Variants in CTIF observed in about 807,000 individuals in gnomAD.
CTIF encodes the protein CBP80/20-dependent translation initiation factor.
In CTIF, 21 loss-of-function variants were observed where a neutral mutation model predicts 66.0. That is an observed-to-expected ratio of 0.32 (90% CI 0.23 to 0.46). The LOEUF (loss-of-function observed/expected upper bound fraction) is 0.46. Ranked by LOEUF, CTIF falls within the 20% of genes least tolerant of loss-of-function variation. The pLI is 1.00. For missense variants in CTIF, 739 were observed against 812.7 expected (o/e 0.91, Z 1.10); for synonymous variants, 345 against 326.4 (o/e 1.06, Z -0.62).
chr18:48,610,374 A>AACCCACCTGGAT (rs761229600), intron 1 of CTIF, among the ~76,000 whole-genome samples: 1 of 141,258 alleles, frequency 7.1e-6, no homozygotes, highest in Admixed American at 7.1e-5. Flanking sequence ...CACGTCACAG[A>AACCCACCTGGAT]GCCCACCTGG....
intron 10 of CTIF, among the ~76,000 whole-genome samples, chr18:48,837,683 T>C (rs1445244783): frequency 1.3e-5 from 2 of 152,170 alleles, no homozygotes; most frequent in African/African-American, 4.8e-5. Flanking sequence ...GATCTTACTA[T>C]ACAGATTCCT....
At chr18:48,743,798 T>A (rs7232204) in intron 7 of CTIF, among the ~76,000 whole-genome samples, 4,755 of 152,292 alleles carry the variant, frequency 0.031, 239 homozygotes, top group African/African-American at 0.11. Flanking sequence ...TTTTTAACAC[T>A]TAAGAGTGTT....
chr18:48,722,327 C>A (rs146340356), intron 7 of CTIF, among the ~76,000 whole-genome samples: 5 of 151,824 alleles, frequency 3.3e-5, no homozygotes, highest in African/African-American at 1.2e-4. Flanking sequence ...GTGATCCTCC[C>A]ACCTCAGCCT....
At chr18:48,682,407 G>C (rs1367146841) in intron 6 of CTIF, among the ~76,000 whole-genome samples, 3 of 152,198 alleles carry the variant, frequency 2.0e-5, no homozygotes, top group Non-Finnish European at 4.4e-5. Flanking sequence ...GAACTGCAAA[G>C]TCTTGTGTTC....
chr18:48,843,559 G>T (rs914920486), intron 10 of CTIF, among the ~76,000 whole-genome samples: 22 of 152,254 alleles, frequency 1.4e-4, no homozygotes, highest in African/African-American at 5.1e-4. Context: ...TATAATGGGG[G>T]CCCTGAGGCA....
chr18:48,702,270 A>G lies in CTIF; in HGVS notation c.508-9349A>G, dbSNP rs28580143. On this transcript the variant is annotated intron_variant, in intron 6 of 11. Coordinates refer to ENST00000256413, the MANE Select transcript of CTIF (RefSeq NM_014772.3). ...TGGAGCATCCAAGGAAGTCTTGCCC[A>G]TTCCAGCGACCCAGCCTCTGGAACC... 2.1e-3 allele frequency among the ~76,000 whole-genome samples: 315 copies of G among 152,350 alleles called. 1 individual carries two copies. The highest frequency in any genetic ancestry group is 6.7e-3 in the African/African-American group (279 of 41,570).
intron 9 of CTIF, among the ~76,000 whole-genome samples, chr18:48,800,400 G>C (rs2068024003): frequency 6.6e-6 from 1 of 152,136 alleles, no homozygotes; most frequent in Non-Finnish European, 1.5e-5. Context: ...GCAAAACTAG[G>C]GCCAGCCGGA....
At chr18:48,777,166 C>A (rs1164800957) in intron 9 of CTIF, among the ~76,000 whole-genome samples, 1 of 152,180 alleles carries the variant, frequency 6.6e-6, no homozygotes, top group Non-Finnish European at 1.5e-5. Flanking sequence ...TCCTTCCCAC[C>A]CGCCTGGCCC....
intron 5 of CTIF, among the ~76,000 whole-genome samples, chr18:48,668,234 G>A (rs1007074899): frequency 2.0e-5 from 3 of 152,232 alleles, no homozygotes; most frequent in South Asian, 2.1e-4. Flanking sequence ...GGTGCCCAGC[G>A]TGTGCTTGGA....
chr18:48,582,625 C>T (rs548059218), intron 1 of CTIF, among the ~76,000 whole-genome samples: 14 of 152,148 alleles, frequency 9.2e-5, no homozygotes, highest in Non-Finnish European at 1.5e-5. Flanking sequence ...ACCTTCCTGG[C>T]TTCCCTGCTA....
At chr18:48,855,902 A>G (rs1005915646) in intron 10 of CTIF, among the ~76,000 whole-genome samples, 4 of 152,222 alleles carry the variant, frequency 2.6e-5, no homozygotes, top group African/African-American at 9.6e-5. Context: ...GGCAAAGATG[A>G]TAAAGCCATA....
At chr18:48,663,000 C>G (rs1037288688) in intron 3 of CTIF, among the ~76,000 whole-genome samples, 7 of 152,232 alleles carry the variant, frequency 4.6e-5, no homozygotes, top group Middle Eastern at 6.8e-3. Context: ...GCATCGGGCA[C>G]ATTTCTGTGT....
intron 1 of CTIF, among the ~76,000 whole-genome samples, chr18:48,615,310 C>T (rs1439621962): frequency 6.6e-6 from 1 of 152,226 alleles, no homozygotes; most frequent in African/African-American, 2.4e-5. Flanking sequence ...GAGGGCCATG[C>T]TCTCTCCCTC....
At chr18:48,585,795 A>G (rs2089754311) in intron 1 of CTIF, among the ~76,000 whole-genome samples, 1 of 152,176 alleles carries the variant, frequency 6.6e-6, no homozygotes, top group African/African-American at 2.4e-5. Flanking sequence ...CAGGGACAGA[A>G]TCGGCTCAGA....
At chr18:48,631,618 G>A (rs1377587302) in intron 2 of CTIF, among the ~76,000 whole-genome samples, 1 of 152,192 alleles carries the variant, frequency 6.6e-6, no homozygotes, top group Non-Finnish European at 1.5e-5. Flanking sequence ...ACAAACACCT[G>A]TACTCTCATG....
intron 1 of CTIF, among the ~76,000 whole-genome samples, chr18:48,579,205 G>A (rs1012884725): frequency 1.3e-5 from 2 of 152,138 alleles, no homozygotes; most frequent in African/African-American, 4.8e-5. Context: ...TTGGCTCACT[G>A]CAACCTCCGC....
chr18:48,610,195 G>A (rs2090280552), intron 1 of CTIF, among the ~76,000 whole-genome samples: 1 of 152,198 alleles, frequency 6.6e-6, no homozygotes. Flanking sequence ...TCAAGAGCAG[G>A]GCAAGAGTTG....
intron 6 of CTIF, among the ~76,000 whole-genome samples, chr18:48,675,865 A>G (rs573862969): frequency 1.3e-5 from 2 of 152,322 alleles, no homozygotes; most frequent in East Asian, 1.9e-4. Context: ...ATGGAGCCGC[A>G]TAATCTGTAA....
At chr18:48,820,114 C>A (rs1323085386) in intron 10 of CTIF, among the ~76,000 whole-genome samples, 2 of 152,176 alleles carry the variant, frequency 1.3e-5, no homozygotes, top group South Asian at 4.1e-4. Flanking sequence ...AACAGCTGGT[C>A]CATGCCAGAG....
Sources: allele counts gnomAD v4.1 joint callset (sites outside exome capture counted in the v4.1 genomes callset), GRCh38; gene constraint gnomAD v4.1.1; transcripts MANE v1.5; gene names NCBI Gene and HGNC (gene_info 2026-07-23, HGNC 2026-07-21).